Variants in ISM1 observed in about 807,000 individuals in gnomAD.
ISM1 encodes the protein isthmin 1.
ISM1 carries 25 observed loss-of-function variants against 46.3 expected under a neutral mutation model. The ratio of observed to expected loss-of-function variants is 0.54; its 90% CI spans 0.39 to 0.75. The LOEUF is 0.75. Ranked by LOEUF, ISM1 falls within the 30% of genes least tolerant of loss-of-function variation. The pLI, the probability that ISM1 is intolerant of heterozygous loss-of-function variation, is 0.00. For synonymous variants in ISM1, 255 were observed against 256.7 expected (o/e 0.99, Z 0.06); for missense variants, 536 against 625.4 (o/e 0.86, Z 1.52).
At chr20:13,318,999 G>A in the ISM1 span, among the ~76,000 whole-genome samples, 8 of 152,242 alleles carry the variant, frequency 5.3e-5, no homozygotes, top group African/African-American at 1.7e-4. Context: ...ACAACAGCAC[G>A]AGTGAACCCT....
intron 1 of ISM1, among the ~76,000 whole-genome samples, chr20:13,246,006 G>A (rs1004637037): frequency 2.0e-5 from 3 of 152,184 alleles, no homozygotes; most frequent in Non-Finnish European, 4.4e-5. Flanking sequence ...TGTGGCTCAC[G>A]CCTATAATCC....
chr20:13,253,817 T>C (rs917051397), intron 1 of ISM1, among the ~76,000 whole-genome samples: 1 of 151,656 alleles, frequency 6.6e-6, no homozygotes, highest in African/African-American at 2.4e-5. Context: ...TATCTTAAAA[T>C]TTAAAAAAAA....
chr20:13,311,216 T>TAGATAGATAGATA, the ISM1 span, among the ~76,000 whole-genome samples: 41 of 133,288 alleles, frequency 3.1e-4, no homozygotes, highest in Middle Eastern at 0.011. Context: ...TATAGATAGA[T>TAGATAGATAGATA]GATAGATAGA....
intron 1 of ISM1, among the ~76,000 whole-genome samples, chr20:13,226,748 C>T (rs932519490): frequency 5.7e-4 from 86 of 152,176 alleles, no homozygotes; most frequent in African/African-American, 2.0e-3. Context: ...ATGGTGGACT[C>T]AGAGCAGCAA....
intron 1 of ISM1, among the ~76,000 whole-genome samples, chr20:13,241,029 G>C (rs565743031): frequency 6.6e-6 from 1 of 152,316 alleles, no homozygotes; most frequent in Admixed American, 6.5e-5. Context: ...GGAGAACCAA[G>C]AGGTGTGTCA....
intron 3 of ISM1, among the ~76,000 whole-genome samples, chr20:13,282,480 A>AC (rs2040248389): frequency 6.6e-6 from 1 of 151,984 alleles, no homozygotes; most frequent in Non-Finnish European, 1.5e-5. Context: ...CATTAAGAAC[A>AC]CCCCCTCTAT....
At chr20:13,277,774 C>T (rs536295800) in intron 2 of ISM1, among the ~76,000 whole-genome samples, 3 of 151,928 alleles carry the variant, frequency 2.0e-5, no homozygotes, top group Non-Finnish European at 2.9e-5. Context: ...CTAGGTGTCC[C>T]GTGACAGAGG....
chr20:13,292,265 T>A (rs912713972), intron 4 of ISM1, 109 bp from the exon 5 acceptor site: 3 of 689,532 alleles, frequency 4.4e-6, no homozygotes, highest in Non-Finnish European at 5.0e-6. Flanking sequence ...TGAGTAGTAA[T>A]GAATACAAAA....
chr20:13,285,552 G>A (rs1459554738), intron 3 of ISM1, among the ~76,000 whole-genome samples: 1 of 152,156 alleles, frequency 6.6e-6, no homozygotes, highest in Non-Finnish European at 1.5e-5. Flanking sequence ...CTTCACGCTT[G>A]GGGGAAGAGT....
At chr20:13,322,607 G>T in the ISM1 span, among the ~76,000 whole-genome samples, 4 of 152,162 alleles carry the variant, frequency 2.6e-5, no homozygotes, top group African/African-American at 9.7e-5. Context: ...CCCTTTTCCT[G>T]CTCAAACAGA....
Position 13,299,173 on chromosome 20 carries a change from G to A in ISM1, c.1109G>A (p.Arg370His), listed in dbSNP as rs546009979. 3 of 1,607,864 alleles carry A rather than the reference G, an allele frequency of 1.9e-6. No homozygotes were observed. The highest frequency in any genetic ancestry group is 1.1e-5 in the South Asian group (1 of 90,064). ...IYKPTARYCI[R>H]SMLSLESTTL... The stretch of plus-strand genomic sequence containing the variant: ...AAGCCCACTGCCCGGTACTGCATCC[G>A]CTCCATGCTGTCCCTGGAGAGCACC... Residue 370 changes from arginine to histidine, a missense_variant, in exon 6 of 6, where the codon CGC (arginine) becomes CAC (histidine). Around this residue, in one of 2 missense-constraint regions of ISM1, gnomAD observed 169 missense variants for 249.3 expected, o/e 0.68. Transcript: ENST00000262487. This position sits in a 1 kb window ranked among gnomAD's most constrained non-coding sequence, Gnocchi z 5.8.
At chr20:13,273,021 G>A (rs988281581) in intron 2 of ISM1, among the ~76,000 whole-genome samples, 4 of 152,244 alleles carry the variant, frequency 2.6e-5, no homozygotes, top group Middle Eastern at 3.4e-3. Flanking sequence ...AATTACTAAC[G>A]CAAAGTCATA....
downstream of ISM1, among the ~76,000 whole-genome samples, chr20:13,301,689 T>C (rs1298783760): frequency 6.6e-6 from 1 of 152,052 alleles, no homozygotes; most frequent in Non-Finnish European, 1.5e-5. Context: ...TTTATAATAA[T>C]GAGGAAATTT....
chr20:13,260,290 CA>C (rs1399641206), intron 1 of ISM1, among the ~76,000 whole-genome samples: 1 of 152,178 alleles, frequency 6.6e-6, no homozygotes, highest in Non-Finnish European at 1.5e-5. Context: ...TAGTAGCACA[CA>C]GAGCTGTACA....
rs1053271132 is a variant in ISM1, at chr20:13,254,553, T to C, written c.139-15951T>C. On this transcript the variant is annotated intron_variant, in intron 1 of 5. Transcript: ENST00000262487. The stretch of plus-strand genomic sequence containing the variant: ...TGCCAGGGCTGCTCCTTGGTGCACT[T>C]GCTGGGTGCTCAGTGGTGACTTGGT... 4.6e-5 allele frequency among the ~76,000 whole-genome samples: 7 copies of C among 152,312 alleles called. No individual in the cohort carries two copies. The East Asian group carries it at 9.6e-4, about 21-fold the overall frequency.
chr20:13,310,942 C>T, the ISM1 span, among the ~76,000 whole-genome samples: 6 of 152,132 alleles, frequency 3.9e-5, no homozygotes, highest in Non-Finnish European at 5.9e-5. Context: ...GCCTGTAATC[C>T]CAGCACTTTG....
At chr20:13,226,826 T>C (rs1401568341) in intron 1 of ISM1, among the ~76,000 whole-genome samples, 1 of 152,260 alleles carries the variant, frequency 6.6e-6, no homozygotes, top group Non-Finnish European at 1.5e-5. Flanking sequence ...CTGTATTCTA[T>C]TAGCCAAACC....
In ISM1 at chr20:13,270,522, A is replaced by C; in HGVS notation, c.157A>C (p.Ser53Arg). ...AQLQNNLNVG[S>R]DTTSETSFSL... ...GTTTTAGAATAACCTCAACGTGGGA[A>C]GTGACACCACATCAGAAACCAGCTT... The change falls in exon 2 of 6, where the codon AGT (serine) becomes CGT (arginine). Residue 53 changes from serine (S) to arginine (R), a missense_variant. Around this residue, in one of 2 missense-constraint regions of ISM1, gnomAD observed 367 missense variants for 376.1 expected, o/e 0.98. Coordinates refer to ENST00000262487, the MANE Select transcript of ISM1 (RefSeq NM_080826.2). The C allele has an allele frequency of 3.7e-6, 6 of 1,613,414 alleles. No individual in the cohort carries two copies. Among genetic ancestry groups the C allele is most frequent in the Non-Finnish European group, 5.1e-6 (6 of 1,179,668 alleles).
intron 1 of ISM1, among the ~76,000 whole-genome samples, chr20:13,268,470 G>C (rs61408331): frequency 0.075 from 11,110 of 148,036 alleles, 482 homozygotes; most frequent in Non-Finnish European, 0.1. Context: ...AAAATGTCAG[G>C]GCAACTCCCT....
Sources: allele counts gnomAD v4.1 joint callset (sites outside exome capture counted in the v4.1 genomes callset), GRCh38; gene constraint gnomAD v4.1.1; regional missense constraint gnomAD v4.1.1; non-coding constraint Gnocchi (gnomAD v3.1); transcripts MANE v1.5; gene names NCBI Gene and HGNC (gene_info 2026-07-23, HGNC 2026-07-21).